TENM3: variants seen among roughly 807,000 people sequenced by gnomAD.
TENM3 encodes the protein teneurin transmembrane protein 3.
A neutral mutation model predicts 255.1 loss-of-function variants in TENM3; 63 were observed. The ratio of observed to expected loss-of-function variants is 0.25; its 90% CI spans 0.20 to 0.30. TENM3 has a LOEUF of 0.30. TENM3 is among the 10% of genes least tolerant of loss of function. The pLI, the probability that TENM3 is intolerant of heterozygous loss-of-function variation, is 1.00. For synonymous variants in TENM3, 1,306 were observed against 1,322.3 expected (o/e 0.99, Z 0.27); for missense variants, 2,929 against 3,461.1 (o/e 0.85, Z 3.86).
chr4:182,217,103 C>A (rs113564628), intron 1 of TENM3, among the ~76,000 whole-genome samples: 9,213 of 138,478 alleles, frequency 0.067, 388 homozygotes, highest in Non-Finnish European at 0.095. Flanking sequence ...TCACTGCAAC[C>A]TCTGCCTCCC....
At chr4:181,669,217 G>A in the TENM3 span, among the ~76,000 whole-genome samples, 1 of 152,194 alleles carries the variant, frequency 6.6e-6, no homozygotes, top group Non-Finnish European at 1.5e-5. Context: ...CTCACTACAT[G>A]TGGGACACTG....
chr4:182,399,065 G>A (rs950290783), intron 3 of TENM3, among the ~76,000 whole-genome samples: 3 of 152,132 alleles, frequency 2.0e-5, no homozygotes, highest in African/African-American at 7.2e-5. Flanking sequence ...GAGGTACCCT[G>A]TACACTTCAG....
chr4:182,038,689 G>C, the TENM3 span, among the ~76,000 whole-genome samples: 2 of 152,188 alleles, frequency 1.3e-5, no homozygotes, highest in South Asian at 2.1e-4. Context: ...CAGAGCTATA[G>C]ACTTCTTGAA....
At chr4:182,244,031 G>A (rs1190967140) in intron 1 of TENM3, among the ~76,000 whole-genome samples, 1 of 137,358 alleles carries the variant, frequency 7.3e-6, no homozygotes, top group African/African-American at 2.8e-5. Flanking sequence ...TCGGCTCACT[G>A]CAAGCTCCGC....
chr4:181,714,548 T>C, the TENM3 span, among the ~76,000 whole-genome samples: 28 of 152,170 alleles, frequency 1.8e-4, no homozygotes, highest in Admixed American at 1.6e-3. Context: ...ATCCTATAGG[T>C]GGTTTGACAG....
chr4:181,742,946 G>A, the TENM3 span, among the ~76,000 whole-genome samples: 13 of 151,294 alleles, frequency 8.6e-5, no homozygotes, highest in East Asian at 1.2e-3. Context: ...TTGTTCTTAC[G>A]ATAGTTTACT....
At chr4:182,670,931 C>T (rs1201229201) in intron 6 of TENM3, among the ~76,000 whole-genome samples, 1 of 152,080 alleles carries the variant, frequency 6.6e-6, no homozygotes, top group African/African-American at 2.4e-5. Flanking sequence ...TGCACAGTAA[C>T]AGAATACTAG....
At chr4:182,331,533 T>G (rs1052965885) in intron 2 of TENM3, among the ~76,000 whole-genome samples, 1 of 64,962 alleles carries the variant, frequency 1.5e-5, no homozygotes, top group Non-Finnish European at 3.5e-5. Context: ...GGTGACAGAG[T>G]GAGCTCTGTC....
intron 3 of TENM3, among the ~76,000 whole-genome samples, chr4:182,575,908 T>C (rs1417047278): frequency 6.6e-6 from 1 of 152,210 alleles, no homozygotes; most frequent in Non-Finnish European, 1.5e-5. Context: ...TAGCAATTTC[T>C]GCACATTTCC....
chr4:181,752,636 A>G, the TENM3 span, among the ~76,000 whole-genome samples: 3 of 152,292 alleles, frequency 2.0e-5, no homozygotes, highest in South Asian at 6.2e-4. Context: ...CAATGGTATC[A>G]TTTTATTTTT....
the TENM3 span, among the ~76,000 whole-genome samples, chr4:181,645,126 C>T: frequency 2.6e-5 from 4 of 152,176 alleles, no homozygotes; most frequent in East Asian, 7.7e-4. Flanking sequence ...TGGAAGATTC[C>T]TGGATGATCA....
At chr4:182,573,903 T>C (rs1580985718) in intron 3 of TENM3, among the ~76,000 whole-genome samples, 1 of 152,312 alleles carries the variant, frequency 6.6e-6, no homozygotes, top group Admixed American at 6.5e-5. Flanking sequence ...CATTATTTAC[T>C]ACTTTTTAGA....
the TENM3 span, among the ~76,000 whole-genome samples, chr4:181,729,886 C>T: frequency 5.3e-5 from 8 of 152,140 alleles, no homozygotes; most frequent in African/African-American, 1.9e-4. Context: ...CCTGGCCACA[C>T]GATGTCTGAG....
chr4:182,745,595 G>A (rs1261467098), intron 19 of TENM3, among the ~76,000 whole-genome samples: 1 of 152,148 alleles, frequency 6.6e-6, no homozygotes, highest in Non-Finnish European at 1.5e-5. Context: ...ACGTAGTAGA[G>A]GCTCCAGGAG....
intron 1 of TENM3, among the ~76,000 whole-genome samples, chr4:182,213,558 T>C (rs2149905533): frequency 6.6e-6 from 1 of 152,296 alleles, no homozygotes; most frequent in Non-Finnish European, 1.5e-5. Flanking sequence ...GCAATGGTGA[T>C]TCATTGCCTT....
Position 182,753,563 on chromosome 4 carries a change from G to T in TENM3, c.3976G>T (p.Ala1326Ser). Residue 1326 changes from alanine (A) to serine (S), a missense_variant, in exon 21 of 28, where the codon GCC (alanine) becomes TCC (serine). Physicochemically the swap from Ala to Ser is moderately conservative, Grantham distance 99. Around this residue, in one of 6 missense-constraint regions of TENM3, gnomAD observed 1,608 missense variants for 1,884.4 expected, o/e 0.85. Transcript: ENST00000511685. Reference protein sequence around the residue: ...TLLGSNDLTSARPLTCDTSMH... With the variant: ...TLLGSNDLTSSRPLTCDTSMH... ...TCTGGGCTCTAACGATTTGACTTCAGCCAGACCTTTAACTTGTGACACCAG... is the reference window on the plus strand; with the variant it reads ...TCTGGGCTCTAACGATTTGACTTCATCCAGACCTTTAACTTGTGACACCAG... 1 of 1,613,924 alleles carries T rather than the reference G, an allele frequency of 6.2e-7. No homozygotes were observed. Among genetic ancestry groups the T allele is most frequent in the East Asian group, 2.2e-5 (1 of 44,866 alleles).
At chr4:181,499,928 C>T in the TENM3 span, among the ~76,000 whole-genome samples, 2 of 152,164 alleles carry the variant, frequency 1.3e-5, no homozygotes, top group Admixed American at 1.3e-4. Context: ...CATCATACTG[C>T]TCCAGCACAT....
chr4:182,505,847 A>G (rs1736762358), intron 3 of TENM3, among the ~76,000 whole-genome samples: 1 of 152,192 alleles, frequency 6.6e-6, no homozygotes, highest in Non-Finnish European at 1.5e-5. Context: ...TGACATTGTC[A>G]TCATGTGCTT....
At chr4:182,420,112 A>G (rs1435283036) in intron 3 of TENM3, among the ~76,000 whole-genome samples, 4 of 152,108 alleles carry the variant, frequency 2.6e-5, no homozygotes, top group Non-Finnish European at 5.9e-5. Context: ...CTAGTAAGCT[A>G]TAGAAATAGA....
Sources: gnomAD v4.1 joint callset for allele counts (sites outside exome capture counted in the v4.1 genomes callset) on GRCh38, gnomAD v4.1.1 for gene constraint, gnomAD v4.1.1 regional missense constraint, MANE v1.5 for transcripts, NCBI Gene and HGNC (gene_info 2026-07-23, HGNC 2026-07-21) for gene names.